ZNF585B: variants seen among roughly 807,000 people sequenced by gnomAD.
The protein encoded by ZNF585B is zinc finger protein 41-like protein.
Under a neutral mutation model 14.0 loss-of-function variants are expected in ZNF585B, and 7 were observed. The ratio of observed to expected loss-of-function variants is 0.50; its 90% CI spans 0.28 to 0.94. The LOEUF is 0.94. ZNF585B is among the 40% of genes least tolerant of loss of function. The pLI is 0.09. For missense variants in ZNF585B, 750 were observed against 924.4 expected (o/e 0.81, Z 2.45); for synonymous variants, 290 against 317.3 (o/e 0.91, Z 0.91).
At position 37,207,434 on chromosome 19, in the gene ZNF585B, G is replaced by A. The variant is rs540953363; in HGVS notation, c.-143-180C>T. Among the ~76,000 whole-genome samples, 9 of 152,308 alleles carry A rather than the reference G, an allele frequency of 5.9e-5. No homozygotes were observed. In the South Asian group the frequency reaches 1.2e-3, roughly 21 times the overall value. On this transcript the variant is annotated intron_variant, in intron 1 of 4. Coordinates refer to ENST00000532828, the MANE Select transcript of ZNF585B (RefSeq NM_152279.4). Reference sequence around the variant, plus strand: ...TTAAAATTCTCAACTTCACCCCTTCGATGGGTCTAAGGTAGGCCCTAAGAA... The same window carrying A: ...TTAAAATTCTCAACTTCACCCCTTCAATGGGTCTAAGGTAGGCCCTAAGAA...
intron 4 of ZNF585B, among the ~76,000 whole-genome samples, chr19:37,188,114 T>C (rs1972358956): frequency 1.3e-5 from 2 of 152,214 alleles, no homozygotes; most frequent in African/African-American, 4.8e-5. Context: ...CACATTTTCA[T>C]GGTCATAGTG....
chr19:37,209,596 G>A (rs1972624327), intron 1 of ZNF585B, among the ~76,000 whole-genome samples: 1 of 151,740 alleles, frequency 6.6e-6, no homozygotes, highest in Non-Finnish European at 1.5e-5. Context: ...ACAAATTAGA[G>A]AACATATTAC....
intron 2 of ZNF585B, among the ~76,000 whole-genome samples, chr19:37,199,248 C>A (rs1226732760): frequency 6.6e-6 from 1 of 152,112 alleles, no homozygotes; most frequent in African/African-American, 2.4e-5. Context: ...TTTGTCCAGG[C>A]TGGGTGCAGT....
Position 37,185,304 on chromosome 19 carries a change from G to T in ZNF585B, c.2233C>A (p.Pro745Thr). ...TTCCCACAGATGCCACACTTGTAGG[G>T]TTTGTCTCCAGTGTGTGTTGTCTGA... ...KHQTTHTGDK[P>T]YKCGICGKGF... is the part of the protein sequence containing the mutation. Residue 745 changes from proline (P) to threonine (T), a missense_variant, in exon 5 of 5, where the codon CCC (proline) becomes ACC (threonine). Physicochemically the swap from Pro to Thr is conservative, Grantham distance 38. Around this residue, in one of 2 missense-constraint regions of ZNF585B, gnomAD observed 233 missense variants for 354.1 expected, o/e 0.66. Coordinates refer to ENST00000532828, the MANE Select transcript of ZNF585B (RefSeq NM_152279.4). 6 of 1,614,164 alleles carry T rather than the reference G, an allele frequency of 3.7e-6. No individual in the cohort carries two copies. Among genetic ancestry groups the T allele is most frequent in the Non-Finnish European group, 5.1e-6 (6 of 1,180,046 alleles).
At chr19:37,191,098 C>CA (rs1353192790) in intron 2 of ZNF585B, among the ~76,000 whole-genome samples, 1 of 152,080 alleles carries the variant, frequency 6.6e-6, no homozygotes, top group African/African-American at 2.4e-5. Flanking sequence ...TTAAGCACCA[C>CA]AAAATGCAAA....
At chr19:37,202,643 T>G (rs1348646831) in intron 2 of ZNF585B, among the ~76,000 whole-genome samples, 1 of 150,128 alleles carries the variant, frequency 6.7e-6, no homozygotes, top group Non-Finnish European at 1.5e-5. Flanking sequence ...TTGCATGGTT[T>G]TTTTTTTTTT....
intron 2 of ZNF585B, among the ~76,000 whole-genome samples, chr19:37,199,898 C>G (rs749630286): frequency 1.3e-4 from 19 of 151,474 alleles, no homozygotes; most frequent in Non-Finnish European, 1.8e-4. Flanking sequence ...ACAAAATTAG[C>G]TGGGCATGGT....
chr19:37,207,349 C>T lies in ZNF585B; in HGVS notation c.-143-95G>A, dbSNP rs376835725. The T allele has an allele frequency of 2.4e-5, 23 of 940,186 alleles. No individual in the cohort carries two copies. In the African/African-American group the frequency reaches 3.6e-4, roughly 15 times the overall value. 58.2% of individuals were successfully genotyped at this position (940,186 alleles called of 1,614,324 possible). Reference sequence around the variant, plus strand: ...CAGGTCCCTGCGCTAGAAACCAGAGCAGTGGTTCCCAAACGTAGGTATGCA... The same window carrying T: ...CAGGTCCCTGCGCTAGAAACCAGAGTAGTGGTTCCCAAACGTAGGTATGCA... On this transcript the variant is annotated intron_variant, in intron 1 of 4. Coordinates refer to ENST00000532828, the MANE Select transcript of ZNF585B (RefSeq NM_152279.4).
chr19:37,199,167 A>G, intron 2 of ZNF585B: 1 of 518,964 alleles, frequency 1.9e-6, no homozygotes, highest in Non-Finnish European at 3.4e-6. Context: ...AGAATTTAGT[A>G]GGAACACGAG....
In ZNF585B at chr19:37,182,273, C is replaced by G. The variant is rs1232821850; in HGVS notation, c.*2954G>C. 6.6e-6 allele frequency: 1 copy of G among 152,094 alleles called. No individual in the cohort carries two copies. The highest frequency in any genetic ancestry group is 1.5e-5 in the Non-Finnish European group (1 of 68,028). 9.4% of individuals were successfully genotyped at this position (152,094 alleles called of 1,614,324 possible). A position where few individuals can be genotyped will look rare whatever the true frequency, so the allele number is the denominator to read the frequency against. The stretch of plus-strand genomic sequence containing the variant: ...GTCATGTACAGTGAAATGTGTTTTC[C>G]TCCATATTTCCTGGAATTCATGAGG... On this transcript the variant is annotated 3_prime_UTR_variant, in exon 5 of 5. Coordinates refer to ENST00000532828, the MANE Select transcript of ZNF585B (RefSeq NM_152279.4).
chr19:37,206,295 T>C (rs1972586461), intron 2 of ZNF585B, among the ~76,000 whole-genome samples: 1 of 151,318 alleles, frequency 6.6e-6, no homozygotes, highest in Non-Finnish European at 1.5e-5. Flanking sequence ...CTACTAAAAA[T>C]ACAAAATTAG....
intron 1 of ZNF585B, among the ~76,000 whole-genome samples, chr19:37,207,804 G>A (rs1972600866): frequency 6.6e-6 from 1 of 152,078 alleles, no homozygotes. Flanking sequence ...AGAAAACCAT[G>A]TCATCAAAAC....
intron 3 of ZNF585B, 61 bp downstream of exon 3, chr19:37,189,963 A>G: frequency 6.2e-7 from 1 of 1,600,390 alleles, no homozygotes; most frequent in South Asian, 1.1e-5. Flanking sequence ...GCATTCGTCA[A>G]CTGAGAATGA....
chr19:37,186,869 A>C lies in ZNF585B; in HGVS notation c.668T>G (p.Phe223Cys). The C allele has an allele frequency of 6.2e-7, 1 of 1,613,894 alleles. No homozygotes were observed. The highest frequency in any genetic ancestry group is 1.1e-5 in the South Asian group (1 of 91,054). Residue 223 changes from phenylalanine to cysteine, a missense_variant, in exon 5 of 5, where the codon TTC becomes TGC. Phe to Cys is a radical substitution (Grantham distance 205). Around this residue, in one of 2 missense-constraint regions of ZNF585B, gnomAD observed 517 missense variants for 570.3 expected, o/e 0.91. Coordinates refer to ENST00000532828, the MANE Select transcript of ZNF585B (RefSeq NM_152279.4). ...LYECSECGKG[F>C]PYNSDLSIHE... ...TATACTGAGATCTGAGTTATAAGGG[A>C]AACCTTTCCCACATTCACTACATTC...
At chr19:37,189,414 G>T in intron 4 of ZNF585B, 1 of 467,782 alleles carries the variant, frequency 2.1e-6, no homozygotes, top group Non-Finnish European at 3.9e-6. Flanking sequence ...GACTGTTACA[G>T]AAAAGGAATA....
chr19:37,191,914 C>T (rs1483347845), intron 2 of ZNF585B, among the ~76,000 whole-genome samples: 1 of 152,066 alleles, frequency 6.6e-6, no homozygotes, highest in East Asian at 1.9e-4. Context: ...CCTGTAATCC[C>T]AGCTACTCAG....
intron 2 of ZNF585B, among the ~76,000 whole-genome samples, chr19:37,192,150 G>A (rs973396478): frequency 6.6e-6 from 1 of 152,156 alleles, no homozygotes; most frequent in African/African-American, 2.4e-5. Context: ...TGAGGACACA[G>A]AAATGAATTA....
intron 2 of ZNF585B, among the ~76,000 whole-genome samples, chr19:37,193,672 C>T (rs1372928681): frequency 6.6e-6 from 1 of 151,876 alleles, no homozygotes; most frequent in African/African-American, 2.4e-5. Context: ...CCCAGTTACT[C>T]GGGAGGCTGA....
chr19:37,191,674 G>T (rs1972402207), intron 2 of ZNF585B, among the ~76,000 whole-genome samples: 1 of 150,862 alleles, frequency 6.6e-6, no homozygotes, highest in South Asian at 2.1e-4. Context: ...ATCTAACAAA[G>T]AATTCCAGCT....
Sources: gnomAD v4.1 joint callset for allele counts (sites outside exome capture counted in the v4.1 genomes callset) on GRCh38, gnomAD v4.1.1 for gene constraint, gnomAD v4.1.1 regional missense constraint, MANE v1.5 for transcripts, NCBI Gene and HGNC (gene_info 2026-07-23, HGNC 2026-07-21) for gene names.